The following MYO18B variants were observed in gnomAD, a reference collection of about 807,000 sequenced individuals.
MYO18B encodes the protein myosin XVIIIB, also known as unconventional myosin-XVIIIb.
In MYO18B, 204 loss-of-function variants were observed where a neutral mutation model predicts 273.0. The observed-to-expected ratio is 0.75, with a 90% CI of 0.67 to 0.84. The LOEUF is 0.84. Ranked by LOEUF, MYO18B falls within the 40% of genes least tolerant of loss-of-function variation. The pLI, the probability that MYO18B is intolerant of heterozygous loss-of-function variation, is 0.00. For synonymous variants in MYO18B, 1,330 were observed against 1,305.7 expected (o/e 1.02, Z -0.40); for missense variants, 3,212 against 3,287.6 (o/e 0.98, Z 0.56).
Position 25,966,980 on chromosome 22 carries a change from G to C in MYO18B, c.6156+11616G>C, listed in dbSNP as rs767348171. 2.0e-5 allele frequency among the ~76,000 whole-genome samples: 3 copies of C among 152,094 alleles called. No homozygotes were observed. In the East Asian group the frequency reaches 5.8e-4, roughly 29 times the overall value. The stretch of plus-strand genomic sequence containing the variant: ...CCAAAAGCCTACCTAGGAATAATTG[G>C]GTCTATTACTCCCCGACTTGTGGCT... On this transcript the variant is annotated intron_variant, in intron 39 of 43. Transcript: ENST00000335473.
At chr22:25,743,700 C>T (rs1045175570) in intron 1 of MYO18B, among the ~76,000 whole-genome samples, 7 of 152,300 alleles carry the variant, frequency 4.6e-5, no homozygotes, top group South Asian at 2.1e-4. Flanking sequence ...TTGATGTCAC[C>T]TGCCTCCAGG....
chr22:25,970,455 A>G (rs1354124343), intron 39 of MYO18B, among the ~76,000 whole-genome samples: 1 of 152,068 alleles, frequency 6.6e-6, no homozygotes, highest in Non-Finnish European at 1.5e-5. Context: ...CCTGAGTGTC[A>G]GCTTCATTGG....
At chr22:25,897,673 A>C (rs1019722082) in intron 28 of MYO18B, 5 of 152,208 alleles carry the variant, frequency 3.3e-5, no homozygotes, top group African/African-American at 1.2e-4. Context: ...TGCTTATTTA[A>C]AGCAATTTTT....
chr22:25,877,814 A>G, intron 24 of MYO18B, 145 bp from the exon 25 acceptor site: 1 of 614,592 alleles, frequency 1.6e-6, no homozygotes, highest in East Asian at 3.1e-5. Flanking sequence ...GTGCACCATT[A>G]TTTGTTATAG....
At chr22:25,895,967 T>G (rs1357224561) in intron 28 of MYO18B, among the ~76,000 whole-genome samples, 4 of 152,160 alleles carry the variant, frequency 2.6e-5, no homozygotes, top group Non-Finnish European at 5.9e-5. Context: ...GTGTGTGTAT[T>G]TAGCTATTTT....
chr22:26,028,754 A>G (rs1470691517), intron 43 of MYO18B, among the ~76,000 whole-genome samples: 2 of 152,012 alleles, frequency 1.3e-5, no homozygotes, highest in Non-Finnish European at 2.9e-5. Flanking sequence ...AGAGCGTGGT[A>G]GCGGGTGCCT....
intron 11 of MYO18B, among the ~76,000 whole-genome samples, chr22:25,795,363 A>G (rs1185427125): frequency 6.6e-6 from 1 of 152,186 alleles, no homozygotes; most frequent in Non-Finnish European, 1.5e-5. Context: ...ATATATATTT[A>G]TTGATCCATG....
At chr22:26,061,218 T>C in the MYO18B span, among the ~76,000 whole-genome samples, 1 of 152,216 alleles carries the variant, frequency 6.6e-6, no homozygotes, top group Non-Finnish European at 1.5e-5. Flanking sequence ...ATCCCATGGT[T>C]GTTAGTAAAT....
Position 25,772,185 on chromosome 22 carries a change from C to T in MYO18B, c.1693-149C>T, listed in dbSNP as rs796147383. 88 of 687,516 alleles carry T rather than the reference C, an allele frequency of 1.3e-4. No homozygotes were observed. The African/African-American group carries it at 1.4e-3, about 11-fold the overall frequency. 42.6% of individuals were successfully genotyped at this position (687,516 alleles called of 1,614,324 possible). ...TTATTTGTAGGGCTTCATTGCTTTC[C>T]ATCCAGAGTCCCTGTGCTCTGTTCT... On this transcript the variant is annotated intron_variant, in intron 6 of 43. Transcript: ENST00000335473.
chr22:26,005,748 G>A (rs1178686291), intron 42 of MYO18B, among the ~76,000 whole-genome samples: 1 of 152,150 alleles, frequency 6.6e-6, no homozygotes, highest in African/African-American at 2.4e-5. Context: ...CCAGACAACC[G>A]CTTCCTGACT....
the MYO18B span, among the ~76,000 whole-genome samples, chr22:26,054,740 G>A: frequency 2.0e-5 from 3 of 152,184 alleles, no homozygotes; most frequent in African/African-American, 7.2e-5. Context: ...TGTTTATAGA[G>A]ACGGTTTAAT....
chr22:25,744,188 G>T (rs769178451), intron 1 of MYO18B, among the ~76,000 whole-genome samples: 1 of 152,168 alleles, frequency 6.6e-6, no homozygotes, highest in Non-Finnish European at 1.5e-5. Flanking sequence ...CTATCGCAAA[G>T]ATTTTATTGG....
Position 25,768,575 on chromosome 22 carries a change from G to T in MYO18B, c.659G>T (p.Gly220Val). ...APKAEKTRTG[G>V]LGDPGQGTVA... ...AAAGCTGAGAAGACCCGGACTGGGGGTCTTGGGGACCCAGGCCAAGGAACT... is the reference window on the plus strand; with the variant it reads ...AAAGCTGAGAAGACCCGGACTGGGGTTCTTGGGGACCCAGGCCAAGGAACT... Residue 220 changes from glycine to valine, a missense_variant, in exon 4 of 44, where the codon GGT becomes GTT. Physicochemically the swap from Gly to Val is moderately radical, Grantham distance 109 (BLOSUM62 -3). Transcript: ENST00000335473. 2 of 1,533,218 alleles carry T rather than the reference G, an allele frequency of 1.3e-6. No homozygotes were observed. Among genetic ancestry groups the T allele is most frequent in the Non-Finnish European group, 1.7e-6 (2 of 1,145,000 alleles). The allele number at this position is 1,533,218 out of a possible 1,614,324, so 95.0% of individuals were successfully genotyped here. A position where few individuals can be genotyped will look rare whatever the true frequency, so the allele number is the denominator to read the frequency against.
At chr22:25,931,876 A>G (rs938353527) in intron 34 of MYO18B, among the ~76,000 whole-genome samples, 1 of 147,562 alleles carries the variant, frequency 6.8e-6, no homozygotes, top group Non-Finnish European at 1.5e-5. Flanking sequence ...AAGTTTCACC[A>G]TCATGTCCAG....
intron 1 of MYO18B, among the ~76,000 whole-genome samples, chr22:25,749,859 G>A (rs566125611): frequency 3.5e-4 from 54 of 152,208 alleles, no homozygotes; most frequent in Non-Finnish European, 5.6e-4. Flanking sequence ...AGGATGCAAT[G>A]GTAGCATTAA....
chr22:25,998,117 G>A (rs1283706979), intron 40 of MYO18B, among the ~76,000 whole-genome samples: 3 of 152,186 alleles, frequency 2.0e-5, no homozygotes, highest in African/African-American at 7.2e-5. Flanking sequence ...TGGAAACGTG[G>A]CTACGTGCTC....
intron 39 of MYO18B, among the ~76,000 whole-genome samples, chr22:25,985,377 CAAAGAA>C (rs928717290): frequency 6.7e-6 from 1 of 148,362 alleles, no homozygotes; most frequent in African/African-American, 2.6e-5. Flanking sequence ...CAAAACAAAA[CAAAGAA>C]AAAGAAAAAA....
chr22:25,780,528 T>G (rs746841448), intron 9 of MYO18B, among the ~76,000 whole-genome samples: 3 of 130,926 alleles, frequency 2.3e-5, no homozygotes, highest in Non-Finnish European at 4.6e-5. Flanking sequence ...AGGCGGAGGT[T>G]GTAGTGAGCC....
chr22:25,796,019 A>G (rs1311494732), intron 11 of MYO18B, among the ~76,000 whole-genome samples: 1 of 152,158 alleles, frequency 6.6e-6, no homozygotes, highest in Non-Finnish European at 1.5e-5. Context: ...AACAGCTTAC[A>G]GTTCATCACC....
Sources: gnomAD v4.1 joint callset for allele counts (sites outside exome capture counted in the v4.1 genomes callset) on GRCh38, gnomAD v4.1.1 for gene constraint, MANE v1.5 for transcripts, NCBI Gene and HGNC (gene_info 2026-07-23, HGNC 2026-07-21) for gene names.